WDPCP: variants seen among roughly 807,000 people sequenced by gnomAD.
The protein encoded by WDPCP is WD repeat containing planar cell polarity effector.
WDPCP carries 71 observed loss-of-function variants against 93.1 expected under a neutral mutation model. The ratio of observed to expected loss-of-function variants is 0.76; its 90% CI spans 0.63 to 0.93. The LOEUF (loss-of-function observed/expected upper bound fraction) is 0.93. Ranked by LOEUF, WDPCP falls within the 40% of genes least tolerant of loss-of-function variation. The probability of loss-of-function intolerance (pLI) is 0.00; values close to 1 mark genes in which losing one functional copy is unlikely to be tolerated. For missense variants in WDPCP, 844 were observed against 887.4 expected (o/e 0.95, Z 0.62); for synonymous variants, 315 against 315.0 (o/e 1.00, Z 0.00).
At chr2:63,674,965 G>C (rs1226925207) in intron 2 of WDPCP, among the ~76,000 whole-genome samples, 2 of 152,178 alleles carry the variant, frequency 1.3e-5, no homozygotes, top group African/African-American at 4.8e-5. Flanking sequence ...TGGGGACAGA[G>C]CAGATGTCCT....
chr2:63,379,017 T>A (rs898824053), intron 11 of WDPCP, among the ~76,000 whole-genome samples: 1 of 152,146 alleles, frequency 6.6e-6, no homozygotes, highest in African/African-American at 2.4e-5. Context: ...AGTCCCTATA[T>A]CTTCCCTAAG....
intron 2 of WDPCP, among the ~76,000 whole-genome samples, chr2:63,731,500 C>G (rs1350288804): frequency 6.6e-6 from 1 of 152,048 alleles, no homozygotes; most frequent in Non-Finnish European, 1.5e-5. Context: ...ACAAGGCAAC[C>G]CTGTACCCAT....
chr2:63,254,920 TATGTAAAA>T (rs1236762769), intron 14 of WDPCP, among the ~76,000 whole-genome samples: 4 of 152,152 alleles, frequency 2.6e-5, no homozygotes, highest in Admixed American at 1.3e-4. Context: ...AATGCAGGAA[TATGTAAAA>T]ATACATCATC....
chr2:63,386,205 C>A (rs759400625), intron 10 of WDPCP, among the ~76,000 whole-genome samples: 1 of 151,940 alleles, frequency 6.6e-6, no homozygotes, highest in Non-Finnish European at 1.5e-5. Context: ...ACATTATGAA[C>A]TGAATTTCAT....
intron 1 of WDPCP, among the ~76,000 whole-genome samples, chr2:63,540,595 T>C (rs1575609158): frequency 6.6e-6 from 1 of 152,356 alleles, no homozygotes; most frequent in Non-Finnish European, 1.5e-5. Flanking sequence ...TTATATTATA[T>C]GTGTTTATAA....
At chr2:63,307,909 A>G (rs1309417441) in intron 13 of WDPCP, among the ~76,000 whole-genome samples, 2 of 152,266 alleles carry the variant, frequency 1.3e-5, no homozygotes, top group Non-Finnish European at 2.9e-5. Context: ...TCTCCACAGC[A>G]AAAGAAACTA....
At chr2:63,420,417 C>T (rs1213615512) in intron 9 of WDPCP, among the ~76,000 whole-genome samples, 1 of 150,876 alleles carries the variant, frequency 6.6e-6, no homozygotes, top group Non-Finnish European at 1.5e-5. Context: ...GCCTGTAATC[C>T]CAGCTATTCG....
chr2:63,178,139 CTT>C (rs1673959406), intron 14 of WDPCP, among the ~76,000 whole-genome samples: 2 of 152,100 alleles, frequency 1.3e-5, no homozygotes, highest in African/African-American at 4.8e-5. Flanking sequence ...TTGTTAATGA[CTT>C]TTGCTCCAAT....
At chr2:63,694,587 AAAAT>A (rs1668938141) in intron 2 of WDPCP, among the ~76,000 whole-genome samples, 1 of 152,172 alleles carries the variant, frequency 6.6e-6, no homozygotes, top group African/African-American at 2.4e-5. Flanking sequence ...ATATATACTG[AAAAT>A]GTATCAAAGC....
intron 3 of WDPCP, among the ~76,000 whole-genome samples, chr2:63,603,274 C>T (rs578133282): frequency 3.3e-5 from 5 of 152,132 alleles, no homozygotes; most frequent in Middle Eastern, 3.4e-3. Flanking sequence ...CATTCTTGAA[C>T]GACATTTGAG....
At chr2:63,351,061 A>G (rs906493379) in intron 12 of WDPCP, among the ~76,000 whole-genome samples, 8 of 152,056 alleles carry the variant, frequency 5.3e-5, no homozygotes, top group Non-Finnish European at 8.8e-5. Flanking sequence ...AGCTCACTGC[A>G]ACCTCCACCT....
intron 9 of WDPCP, among the ~76,000 whole-genome samples, chr2:63,417,889 A>G (rs571686303): frequency 6.6e-6 from 1 of 151,604 alleles, no homozygotes; most frequent in Admixed American, 6.6e-5. Context: ...ATCAATAAAA[A>G]TGGGCTCAGA....
chr2:63,326,674 GAGAA>G (rs56245931), intron 12 of WDPCP, among the ~76,000 whole-genome samples: 33,898 of 151,202 alleles, frequency 0.22, 4,968 homozygotes, highest in East Asian at 0.6. Flanking sequence ...GACAGAGAGA[GAGAA>G]AGATAGGAAG....
At chr2:63,449,141 A>G (rs1698060829) in intron 6 of WDPCP, among the ~76,000 whole-genome samples, 2 of 152,204 alleles carry the variant, frequency 1.3e-5, no homozygotes, top group African/African-American at 2.4e-5. Context: ...ATTATTTATC[A>G]ATTAACAACT....
chr2:63,131,373 G>A (rs997621138), intron 17 of WDPCP, among the ~76,000 whole-genome samples: 43 of 150,666 alleles, frequency 2.9e-4, no homozygotes, highest in African/African-American at 1.0e-3. Context: ...TATTTTTCTT[G>A]GTGGCTAGCA....
chr2:63,313,907 G>T (rs1263830554), intron 12 of WDPCP, among the ~76,000 whole-genome samples: 1 of 8,722 alleles, frequency 1.1e-4, no homozygotes, highest in Admixed American at 1.5e-3. Context: ...TTTGGAGATG[G>T]AGTCTCGCTC....
rs1702488508 is a variant in WDPCP at position 63,515,432 on chromosome 2, G to A, written c.76-22492C>T. Among the ~76,000 whole-genome samples, 4 of 152,124 alleles carry A rather than the reference G, an allele frequency of 2.6e-5. No homozygotes were observed. The South Asian group carries it at 6.2e-4, about 24-fold the overall frequency. ...CTCAAAAGTACTTTCTATTAAAGAT[G>A]CTCAATAAAAGGTTGAATGCTGTTA... is the stretch of plus-strand genomic sequence containing the variant. On this transcript the variant is annotated intron_variant, in intron 1 of 17. Transcript: ENST00000272321.
chr2:63,196,818 T>C lies in WDPCP; in HGVS notation c.1916-21986A>G, dbSNP rs939963856. On this transcript the variant is annotated intron_variant, in intron 14 of 17. Transcript: ENST00000272321. ...AGGAAGACATGAGTGCCTCCGACTA[T>C]GAGTAGTCAGACCATGAGGAAGAAG... Among the ~76,000 whole-genome samples, 13 of 152,182 alleles carry C rather than the reference T, an allele frequency of 8.5e-5. No individual in the cohort carries two copies. The South Asian group carries it at 1.4e-3, about 17-fold the overall frequency.
intron 15 of WDPCP, among the ~76,000 whole-genome samples, chr2:63,168,016 T>C (rs1005256526): frequency 6.9e-6 from 1 of 145,840 alleles, no homozygotes; most frequent in Non-Finnish European, 1.5e-5. Context: ...CCCAGGAGGC[T>C]GAGGTGGATC....
Sources: allele counts gnomAD v4.1 joint callset (sites outside exome capture counted in the v4.1 genomes callset), GRCh38; gene constraint gnomAD v4.1.1; transcripts MANE v1.5; gene names NCBI Gene and HGNC (gene_info 2026-07-23, HGNC 2026-07-21).